Variants in OSMR observed in about 807,000 individuals in gnomAD.
OSMR encodes the protein oncostatin-M-specific receptor subunit beta.
In OSMR, 81 loss-of-function variants were observed where a neutral mutation model predicts 99.9. That is an observed-to-expected ratio of 0.81 (90% CI 0.68 to 0.97). The LOEUF (loss-of-function observed/expected upper bound fraction) is 0.97. Ranked by LOEUF, OSMR falls within the 50% of genes least tolerant of loss-of-function variation. The pLI, the probability that OSMR is intolerant of heterozygous loss-of-function variation, is 0.00. For missense variants in OSMR, 1,099 were observed against 1,153.4 expected (o/e 0.95, Z 0.68); for synonymous variants, 406 against 410.4 (o/e 0.99, Z 0.13).
intron 1 of OSMR, among the ~76,000 whole-genome samples, chr5:38,859,454 G>C (rs9790908): frequency 0.066 from 10,098 of 152,050 alleles, 893 homozygotes; most frequent in East Asian, 0.46. Flanking sequence ...ATAAATTGGT[G>C]TATGTGTCTG....
intron 10 of OSMR, 132 bp downstream of exon 10, chr5:38,917,754 A>G (rs1448239830): frequency 4.3e-6 from 3 of 704,908 alleles, no homozygotes; most frequent in Admixed American, 2.0e-5. Flanking sequence ...TTCATCCAAT[A>G]GAATTTCTTA....
intron 7 of OSMR, among the ~76,000 whole-genome samples, chr5:38,902,133 G>T (rs1299398964): frequency 6.6e-6 from 1 of 152,184 alleles, no homozygotes; most frequent in Non-Finnish European, 1.5e-5. Context: ...TCTGTATTAA[G>T]TCCTCAATTA....
chr5:38,902,052 C>T (rs1744930617), intron 7 of OSMR, among the ~76,000 whole-genome samples: 1 of 152,146 alleles, frequency 6.6e-6, no homozygotes, highest in Non-Finnish European at 1.5e-5. Flanking sequence ...AGTCTCCATG[C>T]CCTGGAGAGC....
chr5:38,929,655 T>G (rs1396076320), intron 15 of OSMR, among the ~76,000 whole-genome samples: 2 of 152,150 alleles, frequency 1.3e-5, no homozygotes, highest in African/African-American at 4.8e-5. Flanking sequence ...CTTGGTAGTA[T>G]CTTCTAAAAT....
At chr5:38,888,102 AC>A (rs1444123944) in intron 7 of OSMR, among the ~76,000 whole-genome samples, 2 of 151,990 alleles carry the variant, frequency 1.3e-5, no homozygotes, top group Non-Finnish European at 2.9e-5. Context: ...CAAAGAGAAA[AC>A]CCCATGTGCA....
intron 7 of OSMR, among the ~76,000 whole-genome samples, chr5:38,895,762 T>C (rs962845222): frequency 7.2e-5 from 11 of 152,126 alleles, no homozygotes; most frequent in Admixed American, 7.2e-4. Context: ...CAATGTTTTC[T>C]TGTAGTAGTT....
At chr5:38,912,025 C>T (rs1261757146) in intron 9 of OSMR, among the ~76,000 whole-genome samples, 1 of 151,924 alleles carries the variant, frequency 6.6e-6, no homozygotes, top group Non-Finnish European at 1.5e-5. Flanking sequence ...TCCACTCTCA[C>T]CACTCCTATT....
rs753587189 is a variant in OSMR, at chr5:38,933,238, G to GAA, written c.2736_2737dup (p.Thr913LysfsTer4). On this transcript the variant is annotated frameshift_variant, in exon 18 of 18. Coordinates refer to ENST00000274276, the MANE Select transcript of OSMR (RefSeq NM_003999.3). LOFTEE classifies it low-confidence loss of function (END_TRUNC). Reference sequence around the variant, plus strand: ...CTCCCTGGGAGAAATCCCAGCTGGAGAAACAAGTTTGAATTATGTGTCCCA... The same window carrying GAA: ...CTCCCTGGGAGAAATCCCAGCTGGAGAAAAACAAGTTTGAATTATGTGTCCCA... The GAA allele has an allele frequency of 6.2e-7, 1 of 1,614,194 alleles. No individual in the cohort carries two copies. The highest frequency in any genetic ancestry group is 1.1e-5 in the South Asian group (1 of 91,082).
chr5:38,897,799 G>A (rs879875026), intron 7 of OSMR, among the ~76,000 whole-genome samples: 1 of 151,978 alleles, frequency 6.6e-6, no homozygotes, highest in Non-Finnish European at 1.5e-5. Flanking sequence ...GCATCTTATA[G>A]GTTTTGGTGC....
chr5:38,920,958 A>C (rs1237179107), intron 11 of OSMR, among the ~76,000 whole-genome samples: 1 of 152,176 alleles, frequency 6.6e-6, no homozygotes, highest in Non-Finnish European at 1.5e-5. Flanking sequence ...CCAACTTTTT[A>C]TATACCTGAA....
intron 7 of OSMR, among the ~76,000 whole-genome samples, chr5:38,896,629 G>T (rs1334055033): frequency 2.6e-5 from 4 of 151,956 alleles, no homozygotes; most frequent in Admixed American, 6.6e-5. Flanking sequence ...TATTTTGGAT[G>T]CCCTTCCTTT....
intron 17 of OSMR, 28 bp downstream of exon 17, chr5:38,932,563 C>CTT (rs763301485): frequency 6.3e-7 from 1 of 1,592,036 alleles, no homozygotes; most frequent in Non-Finnish European, 8.6e-7. Flanking sequence ...GTATGTATAC[C>CTT]ATATACCTAT....
intron 2 of OSMR, among the ~76,000 whole-genome samples, chr5:38,875,063 A>T (rs1156955890): frequency 3.3e-5 from 5 of 152,238 alleles, no homozygotes; most frequent in Non-Finnish European, 7.3e-5. Flanking sequence ...TTTAAACGTA[A>T]CGTTTGAGGG....
At chr5:38,918,670 A>T in intron 10 of OSMR, 170 bp from the exon 11 acceptor site, 4 of 882,836 alleles carry the variant, frequency 4.5e-6, no homozygotes, top group Non-Finnish European at 5.4e-6. Context: ...TTAGATTTGA[A>T]TGTCTGATTT....
chr5:38,933,546 T>A lies in OSMR; in HGVS notation c.*102T>A. On this transcript the variant is annotated 3_prime_UTR_variant, in exon 18 of 18. Coordinates refer to ENST00000274276, the MANE Select transcript of OSMR (RefSeq NM_003999.3). ...CCTTGGTCCTTAATCCCAGTACGAT[T>A]TGCAGGTCTGGTTTATATAAGACCA... 3 of 1,322,546 alleles carry A rather than the reference T, an allele frequency of 2.3e-6. No homozygotes were observed. The allele number at this position is 1,322,546 out of a possible 1,614,324, so 81.9% of individuals were successfully genotyped here.
chr5:38,921,472 CA>C (rs1746230294), intron 11 of OSMR, 142 bp from the exon 12 acceptor site: 11 of 1,498,000 alleles, frequency 7.3e-6, no homozygotes, highest in Admixed American at 4.2e-5. Flanking sequence ...AAACATCCCC[CA>C]CCCAAGCACC....
intron 2 of OSMR, among the ~76,000 whole-genome samples, chr5:38,872,548 A>G (rs548140099): frequency 2.2e-4 from 33 of 152,346 alleles, no homozygotes; most frequent in African/African-American, 7.5e-4. Context: ...GGAATTGCAC[A>G]TTCTGAGGTA....
At chr5:38,917,471 C>T (rs1028376571) in intron 9 of OSMR, 75 bp from the exon 10 acceptor site, 16 of 1,586,946 alleles carry the variant, frequency 1.0e-5, no homozygotes, top group Admixed American at 6.8e-5. Context: ...TGTCCTTGAC[C>T]GTCCTAGAAA....
At chr5:38,943,737 CG>C (rs1336061683) in intron 1 of OSMR, among the ~76,000 whole-genome samples, 1 of 151,946 alleles carries the variant, frequency 6.6e-6, no homozygotes, top group Non-Finnish European at 1.5e-5. Flanking sequence ...TGCTTGAACC[CG>C]GGAGGCAGAG....
Sources: gnomAD v4.1 joint callset for allele counts (sites outside exome capture counted in the v4.1 genomes callset) on GRCh38, gnomAD v4.1.1 for gene constraint, MANE v1.5 for transcripts, NCBI Gene and HGNC (gene_info 2026-07-23, HGNC 2026-07-21) for gene names.